The following FNDC5 variants were observed in gnomAD, a reference collection of about 807,000 sequenced individuals.
The protein encoded by FNDC5 is fibronectin type III domain-containing protein 5.
In FNDC5, 10 loss-of-function variants were observed where a neutral mutation model predicts 24.6. The ratio of observed to expected loss-of-function variants is 0.41; its 90% CI spans 0.25 to 0.69. The LOEUF (loss-of-function observed/expected upper bound fraction) is 0.69, where lower values mean the gene tolerates loss of function less well. Among genes scored for constraint, FNDC5 ranks in the 30% least tolerant of loss-of-function variants. The pLI is 0.34. For synonymous variants in FNDC5, 90 were observed against 110.7 expected, an observed-to-expected ratio of 0.81 and a Z score of 1.18; for missense variants, 226 against 282.9, an observed-to-expected ratio of 0.80 and a Z score of 1.44.
chr1:32,869,544 A>C (rs1641138459), intron 1 of FNDC5, among the ~76,000 whole-genome samples: 1 of 152,212 alleles, frequency 6.6e-6, no homozygotes, highest in South Asian at 2.1e-4. Flanking sequence ...CCCAGGCAGA[A>C]TAAAGCCTGC....
rs1557526858 is a variant in FNDC5 at position 32,863,827 on chromosome 1, T to C, written c.*467A>G. ...AGCCAGGCCTAATTGTGAATAGCCT[T>C]CTTGCAAGGCTGGAAACAGGACAGA... On this transcript the variant is annotated 3_prime_UTR_variant, in exon 6 of 6. Coordinates refer to ENST00000373471, the MANE Select transcript of FNDC5 (RefSeq NM_153756.3). 6 of 1,305,462 alleles carry C rather than the reference T, an allele frequency of 4.6e-6. No homozygotes were observed. The highest frequency in any genetic ancestry group is 1.5e-5 in the African/African-American group (1 of 65,924). 80.9% of individuals were successfully genotyped at this position (1,305,462 alleles called of 1,614,324 possible).
intron 1 of FNDC5, among the ~76,000 whole-genome samples, chr1:32,870,125 G>A (rs1641150241): frequency 6.6e-6 from 1 of 152,128 alleles, no homozygotes; most frequent in South Asian, 2.1e-4. Context: ...GCTGGGCAAG[G>A]ACGGGCCGGC....
chr1:32,870,313 G>A (rs1333476310), intron 1 of FNDC5, among the ~76,000 whole-genome samples: 1 of 152,132 alleles, frequency 6.6e-6, no homozygotes, highest in African/African-American at 2.4e-5. Context: ...ACAGAGAGAG[G>A]CCCAGGTGGG....
At chr1:32,871,778 G>A (rs983029204), upstream of FNDC5, among the ~76,000 whole-genome samples, 8 of 152,246 alleles carry the variant, frequency 5.3e-5, no homozygotes, top group South Asian at 2.1e-4. Context: ...AGAATTGGCC[G>A]GGGCCAGCTC....
At position 32,864,236 on chromosome 1, in the gene FNDC5, T is replaced by C; in HGVS notation, c.*58A>G. 6.2e-7 allele frequency: 1 copy of C among 1,614,130 alleles called. No individual in the cohort carries two copies. On this transcript the variant is annotated 3_prime_UTR_variant, in exon 6 of 6. Coordinates refer to ENST00000373471, the MANE Select transcript of FNDC5 (RefSeq NM_153756.3). ...AATCATCATCAGAACCATGAGATCCTCTCACATTCTCTACTGTCTGTCTTC... is the reference window on the plus strand; with the variant it reads ...AATCATCATCAGAACCATGAGATCCCCTCACATTCTCTACTGTCTGTCTTC...
chr1:32,865,073 C>T (rs1341999556), intron 4 of FNDC5, among the ~76,000 whole-genome samples: 1 of 152,036 alleles, frequency 6.6e-6, no homozygotes, highest in Non-Finnish European at 1.5e-5. Flanking sequence ...CGGTGGCTCA[C>T]GCCTGTTAAT....
chr1:32,870,481 A>G (rs1641159233), intron 1 of FNDC5, among the ~76,000 whole-genome samples, 172 bp downstream of exon 1: 1 of 151,776 alleles, frequency 6.6e-6, no homozygotes, highest in Admixed American at 6.6e-5. Context: ...AAACTGAAGG[A>G]CAGGTCTGGG....
intron 1 of FNDC5, among the ~76,000 whole-genome samples, chr1:32,869,725 A>T (rs1641142160): frequency 6.6e-6 from 1 of 151,984 alleles, no homozygotes; most frequent in Non-Finnish European, 1.5e-5. Context: ...AAGAGACAGG[A>T]GGGAAGTGGG....
chr1:32,868,511 A>T lies in FNDC5; in HGVS notation c.211-123T>A. On this transcript the variant is annotated intron_variant, in intron 2 of 5. Coordinates refer to ENST00000373471, the MANE Select transcript of FNDC5 (RefSeq NM_153756.3). This position sits in a 1 kb window ranked among gnomAD's most constrained non-coding sequence, Gnocchi z 4.8. Reference sequence around the variant, plus strand: ...CATCATTCCATCACCTCCGCTATCAATATCTCCATTTTACAGGGAAGGAAA... The same window carrying T: ...CATCATTCCATCACCTCCGCTATCATTATCTCCATTTTACAGGGAAGGAAA... The T allele has an allele frequency of 9.1e-7, 1 of 1,102,842 alleles. No homozygotes were observed. Among genetic ancestry groups the T allele is most frequent in the Non-Finnish European group, 1.3e-6 (1 of 781,094 alleles). The allele number at this position is 1,102,842 out of a possible 1,614,324, so 68.3% of individuals were successfully genotyped here.
At position 32,863,877 on chromosome 1, in the gene FNDC5, C is replaced by A. The variant is rs1057411128; in HGVS notation, c.*417G>T. Reference sequence around the variant, plus strand: ...AAGAAGGAAGGGAGCAGCAGCAGGGCTGTAGCCTAAATAAGCCAAGCTCTT... The same window carrying A: ...AAGAAGGAAGGGAGCAGCAGCAGGGATGTAGCCTAAATAAGCCAAGCTCTT... On this transcript the variant is annotated 3_prime_UTR_variant, in exon 6 of 6. Transcript: ENST00000373471. 7.7e-6 allele frequency: 10 copies of A among 1,305,940 alleles called. No individual in the cohort carries two copies. In the African/African-American group the frequency reaches 1.4e-4, roughly 18 times the overall value. 80.9% of individuals were successfully genotyped at this position (1,305,940 alleles called of 1,614,324 possible). A position where few individuals can be genotyped will look rare whatever the true frequency, so the allele number is the denominator to read the frequency against.
intron 1 of FNDC5, 127 bp downstream of exon 1, chr1:32,870,526 T>C (rs1262272089): frequency 2.3e-6 from 1 of 426,520 alleles, no homozygotes; most frequent in East Asian, 5.2e-5. Flanking sequence ...GGGGCTGGGT[T>C]AGGGGAGCAG....
chr1:32,870,647 C>G lies in FNDC5; in HGVS notation c.94+6G>C. 8.3e-7 allele frequency: 1 copy of G among 1,207,502 alleles called. No individual in the cohort carries two copies. Among genetic ancestry groups the G allele is most frequent in the South Asian group, 4.2e-5 (1 of 24,084 alleles). 74.8% of individuals were successfully genotyped at this position (1,207,502 alleles called of 1,614,324 possible). On this transcript the variant is annotated splice_donor_region_variant and intron_variant, in intron 1 of 5. Transcript: ENST00000373471. ...GGCGCCGGCCCCCCGCCCCGGGCCC[C>G]CTTACCCGCCTGCACCAGCGCGAAG...
Position 32,867,793 on chromosome 1 carries a change from G to T in FNDC5, c.459C>A (p.Gly153=). 1 of 1,613,996 alleles carries T rather than the reference G, an allele frequency of 6.2e-7. No individual in the cohort carries two copies. Among genetic ancestry groups the T allele is most frequent in the Non-Finnish European group, 8.5e-7 (1 of 1,179,990 alleles). The change falls in exon 4 of 6, where the codon GGC becomes GGA. Residue 153 remains glycine (G), a synonymous_variant. Coordinates refer to ENST00000373471, the MANE Select transcript of FNDC5 (RefSeq NM_153756.3). ...GGACCACGACGATGATCAGCACCTCGCCTGTCCGCAGCTGTTGGTTCCTCC... is the reference window on the plus strand; with the variant it reads ...GGACCACGACGATGATCAGCACCTCTCCTGTCCGCAGCTGTTGGTTCCTCC...
chr1:32,870,755 C>T lies in FNDC5; in HGVS notation c.-9G>A, dbSNP rs1212012542. On this transcript the variant is annotated 5_prime_UTR_variant, in exon 1 of 6. Coordinates refer to ENST00000373471, the MANE Select transcript of FNDC5 (RefSeq NM_153756.3). ...GGCGACCCGGGGTGTATGGTGGCTC[C>T]TCCGGCCGGCAGGCCCGGGGCGGCG... 4 of 1,110,550 alleles carry T rather than the reference C, an allele frequency of 3.6e-6. No homozygotes were observed. Among genetic ancestry groups the T allele is most frequent in the East Asian group, 4.7e-5 (1 of 21,312 alleles). 68.8% of individuals were successfully genotyped at this position (1,110,550 alleles called of 1,614,324 possible). A position where few individuals can be genotyped will look rare whatever the true frequency, so the allele number is the denominator to read the frequency against.
chr1:32,871,857 C>G (rs1641190322), upstream of FNDC5, among the ~76,000 whole-genome samples: 1 of 152,196 alleles, frequency 6.6e-6, no homozygotes, highest in Admixed American at 6.5e-5. Flanking sequence ...GGCTCCAGCC[C>G]CCTTCCCTCA....
At chr1:32,867,669 T>C in intron 4 of FNDC5, 84 bp downstream of exon 4, 1 of 1,387,914 alleles carries the variant, frequency 7.2e-7, no homozygotes, top group Non-Finnish European at 1.0e-6. Context: ...CCCTTACCCT[T>C]TTTTTCATGA....
rs748095477 is a variant in FNDC5, at chr1:32,864,801, A to AG, written c.500-5dup. The AG allele has an allele frequency of 3.7e-6, 6 of 1,613,674 alleles. No individual in the cohort carries two copies. Among genetic ancestry groups the AG allele is most frequent in the African/African-American group, 1.3e-5 (1 of 74,898 alleles). On this transcript the variant is annotated splice_region_variant and splice_polypyrimidine_tract_variant and intron_variant, in intron 4 of 5. Transcript: ENST00000373471. ...CGGCAGAAGAGGGCAATGACACCTGAGGGGGGACAAGTGAGCAGTCAGAGG... is the reference window on the plus strand; with the variant it reads ...CGGCAGAAGAGGGCAATGACACCTGAGGGGGGGACAAGTGAGCAGTCAGAGG...
intron 4 of FNDC5, among the ~76,000 whole-genome samples, chr1:32,867,455 G>C (rs1325835566): frequency 6.6e-6 from 1 of 152,200 alleles, no homozygotes; most frequent in Admixed American, 6.5e-5. Context: ...ATGACCAGAG[G>C]TAAAAGGCCT....
chr1:32,863,519 A>G lies in FNDC5; in HGVS notation c.*775T>C, dbSNP rs1641002106. On this transcript the variant is annotated 3_prime_UTR_variant, in exon 6 of 6. Transcript: ENST00000373471. ...CTCATGCAGCTTTGCCTTTTCCAGAATGGGGCCAGGCCTTTTAGTTTTGTG... is the reference window on the plus strand; with the variant it reads ...CTCATGCAGCTTTGCCTTTTCCAGAGTGGGGCCAGGCCTTTTAGTTTTGTG... 2 of 385,870 alleles carry G rather than the reference A, an allele frequency of 5.2e-6. No homozygotes were observed. The highest frequency in any genetic ancestry group is 9.6e-6 in the Non-Finnish European group (2 of 208,174). 23.9% of individuals were successfully genotyped at this position (385,870 alleles called of 1,614,324 possible). A position where few individuals can be genotyped will look rare whatever the true frequency, so the allele number is the denominator to read the frequency against.
Sources: allele counts gnomAD v4.1 joint callset (sites outside exome capture counted in the v4.1 genomes callset), GRCh38; gene constraint gnomAD v4.1.1; non-coding constraint Gnocchi (gnomAD v3.1); transcripts MANE v1.5; gene names NCBI Gene and HGNC (gene_info 2026-07-23, HGNC 2026-07-21).